The following PRKCI variants were observed in gnomAD, a reference collection of about 807,000 sequenced individuals.
The protein encoded by PRKCI is protein kinase C iota, also known as protein kinase C iota type.
A neutral mutation model predicts 84.0 loss-of-function variants in PRKCI; 43 were observed. The ratio of observed to expected loss-of-function variants is 0.51; its 90% CI spans 0.40 to 0.66. The LOEUF (loss-of-function observed/expected upper bound fraction) is 0.66. Among genes scored for constraint, PRKCI ranks in the 30% least tolerant of loss-of-function variants. The pLI is 0.00. For missense variants in PRKCI, 459 were observed against 745.6 expected, an observed-to-expected ratio of 0.62 and a Z score of 4.48; for synonymous variants, 216 against 234.4, an observed-to-expected ratio of 0.92 and a Z score of 0.72.
At chr3:170,241,776 T>TAAGTA (rs1304434662) in intron 2 of PRKCI, among the ~76,000 whole-genome samples, 2,341 of 152,002 alleles carry the variant, frequency 0.015, 76 homozygotes, top group African/African-American at 0.054. Context: ...GCTTTTGAGA[T>TAAGTA]CCTCCCATCG....
chr3:170,291,361 A>G (rs1734546279), intron 12 of PRKCI, among the ~76,000 whole-genome samples: 1 of 152,202 alleles, frequency 6.6e-6, no homozygotes, highest in African/African-American at 2.4e-5. Flanking sequence ...TAATGAGGAC[A>G]GGTTTTCTTC....
chr3:170,266,424 TAAG>T (rs1282910878), intron 4 of PRKCI, among the ~76,000 whole-genome samples: 1 of 151,972 alleles, frequency 6.6e-6, no homozygotes, highest in Non-Finnish European at 1.5e-5. Flanking sequence ...AGTAATGAGA[TAAG>T]AAATACACAA....
At chr3:170,255,965 C>A (rs1384221557) in intron 2 of PRKCI, among the ~76,000 whole-genome samples, 1 of 152,096 alleles carries the variant, frequency 6.6e-6, no homozygotes, top group Non-Finnish European at 1.5e-5. Context: ...TCTGTTCTAT[C>A]ATGTGATATA....
chr3:170,290,445 G>GTC (rs933474573), intron 12 of PRKCI, among the ~76,000 whole-genome samples: 1 of 151,730 alleles, frequency 6.6e-6, no homozygotes, highest in African/African-American at 2.4e-5. Flanking sequence ...CATGCAGGGA[G>GTC]TCTCTCTCTC....
rs112482352 is a variant in PRKCI at position 170,245,949 on chromosome 3, G to GTTTTTTTTTTTT, written c.223+10608_223+10619dup. ...TTTTTTCCCTGGATGTTATGTCTTTGTTTTTTTTTTTTTTTTTTTTTCTGA... is the reference window on the plus strand; with the variant it reads ...TTTTTTCCCTGGATGTTATGTCTTTGTTTTTTTTTTTTTTTTTTTTTTTTTTTTTTTTTCTGA... On this transcript the variant is annotated intron_variant, in intron 2 of 17. Transcript: ENST00000295797. Among the ~76,000 whole-genome samples, 32 of 82,452 alleles carry GTTTTTTTTTTTT rather than the reference G, an allele frequency of 3.9e-4. 1 individual carries two copies. Among genetic ancestry groups the GTTTTTTTTTTTT allele is most frequent in the African/African-American group, 1.3e-3 (27 of 20,466 alleles). The allele number at this position is 82,452 out of a possible 152,430, so 54.1% of individuals were successfully genotyped here.
chr3:170,239,385 G>A (rs950827818), intron 2 of PRKCI, among the ~76,000 whole-genome samples: 5 of 152,148 alleles, frequency 3.3e-5, no homozygotes, highest in Non-Finnish European at 7.3e-5. Flanking sequence ...CTTATGCTTA[G>A]CATTCAATAA....
Position 170,222,741 on chromosome 3 carries a change from C to T in PRKCI, c.72C>T (p.His24=). 1.2e-6 allele frequency: 2 copies of T among 1,611,254 alleles called. No homozygotes were observed. Among genetic ancestry groups the T allele is most frequent in the Non-Finnish European group, 1.7e-6 (2 of 1,179,338 alleles). ...VAGGGSGDHS[H]QVRVKAYYRG... ...GCGGCGGCAGCGGGGACCATTCCCA[C>T]CAGGTCCGGGTGAAAGCCTACTACC... Residue 24 remains histidine (H), a synonymous_variant, in exon 1 of 18, where the codon CAC becomes CAT. Transcript: ENST00000295797.
intron 2 of PRKCI, among the ~76,000 whole-genome samples, chr3:170,258,947 T>C (rs1377111344): frequency 6.6e-6 from 1 of 152,180 alleles, no homozygotes; most frequent in Non-Finnish European, 1.5e-5. Flanking sequence ...GCCTCCTCTT[T>C]AGACTTTCCC....
intron 6 of PRKCI, among the ~76,000 whole-genome samples, chr3:170,272,881 A>C (rs1436350455): frequency 6.6e-6 from 1 of 152,208 alleles, no homozygotes; most frequent in Non-Finnish European, 1.5e-5. Context: ...ACAAAATTTT[A>C]CATGTAATTT....
At chr3:170,244,368 C>A (rs1733214404) in intron 2 of PRKCI, among the ~76,000 whole-genome samples, 1 of 152,042 alleles carries the variant, frequency 6.6e-6, no homozygotes, top group African/African-American at 2.4e-5. Context: ...GGTAATGGGA[C>A]CCCCTTAAGA....
chr3:170,280,696 G>C (rs1734221932), intron 9 of PRKCI, among the ~76,000 whole-genome samples: 1 of 152,048 alleles, frequency 6.6e-6, no homozygotes, highest in Non-Finnish European at 1.5e-5. Flanking sequence ...TGATCCACCC[G>C]CCTCAGCCTC....
At chr3:170,240,670 A>G (rs1733107622) in intron 2 of PRKCI, among the ~76,000 whole-genome samples, 1 of 152,056 alleles carries the variant, frequency 6.6e-6, no homozygotes, top group Non-Finnish European at 1.5e-5. Flanking sequence ...TGATCTGGAG[A>G]AAAAAAATTC....
intron 6 of PRKCI, among the ~76,000 whole-genome samples, chr3:170,272,558 A>C (rs1042147567): frequency 2.6e-5 from 4 of 152,190 alleles, no homozygotes; most frequent in African/African-American, 9.6e-5. Context: ...TTGGTGACAT[A>C]TGGAAGGAAA....
At position 170,239,813 on chromosome 3, in the gene PRKCI, A is replaced by G. The variant is rs1441265002; in HGVS notation, c.223+4462A>G. Among the ~76,000 whole-genome samples the G allele has an allele frequency of 1.3e-5, 2 of 149,214 alleles. 1 individual carries two copies. Among genetic ancestry groups the G allele is most frequent in the Non-Finnish European group, 3.0e-5 (2 of 67,640 alleles). On this transcript the variant is annotated intron_variant, in intron 2 of 17. Transcript: ENST00000295797. ...GTCTTGTCTGTTTTGTTCATGTTGG[A>G]GCTGCAGTGCCTAGAGCAATACTAA...
intron 1 of PRKCI, among the ~76,000 whole-genome samples, chr3:170,232,913 T>A (rs912023192): frequency 1.3e-5 from 2 of 152,184 alleles, no homozygotes; most frequent in Non-Finnish European, 2.9e-5. Context: ...ATAACATTGC[T>A]TTTTTACTTT....
chr3:170,281,678 T>A, intron 10 of PRKCI: 1 of 542,586 alleles, frequency 1.8e-6, no homozygotes, highest in Admixed American at 4.0e-5. Context: ...AGAACAGAAG[T>A]AGTAGGTTAC....
At chr3:170,244,520 GTATCCTTTATAA>G (rs886182732) in intron 2 of PRKCI, among the ~76,000 whole-genome samples, 2 of 152,082 alleles carry the variant, frequency 1.3e-5, no homozygotes, top group Admixed American at 6.6e-5. Flanking sequence ...CTGTTCATTT[GTATCCTTTATAA>G]TATCCTTTAT....
intron 1 of PRKCI, among the ~76,000 whole-genome samples, chr3:170,229,830 C>G (rs1732740597): frequency 6.6e-6 from 1 of 152,148 alleles, no homozygotes. Context: ...TGCATGTTAT[C>G]TGTCTTTTAA....
intron 1 of PRKCI, among the ~76,000 whole-genome samples, chr3:170,224,675 C>T (rs1732584739): frequency 6.6e-6 from 1 of 152,152 alleles, no homozygotes; most frequent in Non-Finnish European, 1.5e-5. Context: ...AGGCATGTGC[C>T]ACCACACCCG....
Sources: allele counts gnomAD v4.1 joint callset (sites outside exome capture counted in the v4.1 genomes callset), GRCh38; gene constraint gnomAD v4.1.1; transcripts MANE v1.5; gene names NCBI Gene and HGNC (gene_info 2026-07-23, HGNC 2026-07-21).